The following GLRA2 variants were observed in gnomAD, a reference collection of about 807,000 sequenced individuals.
GLRA2 encodes the protein glycine receptor subunit alpha-2.
Under a neutral mutation model 31.6 loss-of-function variants are expected in GLRA2, and 11 were observed. That is an observed-to-expected ratio of 0.35 (90% confidence interval 0.22 to 0.58). The LOEUF (loss-of-function observed/expected upper bound fraction) is 0.58. GLRA2 is among the 20% of genes least tolerant of loss of function. GLRA2 has a pLI of 0.84. For synonymous variants in GLRA2, 132 were observed against 134.0 expected (o/e 0.99, Z 0.10); for missense variants, 212 against 351.8 (o/e 0.60, Z 3.18).
chrX:14,461,218 C>T, the GLRA2 span, among the ~76,000 whole-genome samples: 2 of 111,888 alleles, frequency 1.8e-5, no homozygotes, highest in African/African-American at 6.5e-5. Flanking sequence ...GTCTGAAAGA[C>T]AGTTGTGATT....
At chrX:14,567,315 T>C (rs2089820044) in intron 2 of GLRA2, among the ~76,000 whole-genome samples, 1 of 111,966 alleles carries the variant, frequency 8.9e-6, no homozygotes, top group African/African-American at 3.2e-5. Flanking sequence ...ATTAAAGTAA[T>C]ATACCACATT....
Position 14,598,532 on chromosome X carries a change from C to G in GLRA2, c.495-5783C>G, listed in dbSNP as rs2090233683. Among the ~76,000 whole-genome samples the G allele has an allele frequency of 2.7e-5, 3 of 112,411 alleles. No individual in the cohort carries two copies. In the Admixed American group the frequency reaches 2.8e-4, roughly 11 times the overall value. On this transcript the variant is annotated intron_variant, in intron 4 of 8. Transcript: ENST00000218075. ...TAACTAGTTGACCAAGGTTCCAGGA[C>G]AAGTCAGCCAGGCTTCCTGGCATTC...
chrX:14,693,909 AT>A (rs2091402895), intron 8 of GLRA2, among the ~76,000 whole-genome samples: 1 of 112,230 alleles, frequency 8.9e-6, no homozygotes, highest in Non-Finnish European at 1.9e-5. Context: ...ATCAAAATAT[AT>A]GAACTGAGCT....
chrX:14,730,572 A>G lies in GLRA2; in HGVS notation c.*87A>G. 1.6e-5 allele frequency: 2 copies of G among 128,325 alleles called. No individual in the cohort carries two copies. Among genetic ancestry groups the G allele is most frequent in the African/African-American group, 5.2e-5 (1 of 19,176 alleles). The allele number at this position is 128,325 out of a possible 1,213,427, so 10.6% of individuals were successfully genotyped here. ...AATTGTCTTTATATCACTTTGACAG[A>G]GGAGAAGATTGAGGGAGGGGGGAGG... is the stretch of plus-strand genomic sequence containing the variant. On this transcript the variant is annotated 3_prime_UTR_variant, in exon 9 of 9. Transcript: ENST00000218075.
At chrX:14,684,235 G>A (rs1405188378) in intron 7 of GLRA2, among the ~76,000 whole-genome samples, 3 of 110,613 alleles carry the variant, frequency 2.7e-5, no homozygotes, top group Non-Finnish European at 3.8e-5. Flanking sequence ...AGTATAGTTT[G>A]AAGTCAGGTA....
the GLRA2 span, among the ~76,000 whole-genome samples, chrX:14,491,765 G>T: frequency 9.0e-6 from 1 of 111,437 alleles, no homozygotes; most frequent in African/African-American, 3.3e-5. Flanking sequence ...CCTCCTAGAG[G>T]ATTGTAGTTG....
chrX:14,658,692 C>T (rs1233623926), intron 7 of GLRA2, among the ~76,000 whole-genome samples: 1 of 111,702 alleles, frequency 9.0e-6, no homozygotes, highest in African/African-American at 3.3e-5. Context: ...AGCTTCTTCA[C>T]ACTGGCAGTT....
In GLRA2 at chrX:14,607,282, T is replaced by A; in HGVS notation, c.715+14T>A. 4.3e-6 allele frequency: 5 copies of A among 1,151,848 alleles called. No individual in the cohort carries two copies. The highest frequency in any genetic ancestry group is 5.8e-6 in the Non-Finnish European group (5 of 861,307). 94.9% of individuals were successfully genotyped at this position (1,151,848 alleles called of 1,213,427 possible). On this transcript the variant is annotated intron_variant, in intron 6 of 8. Transcript: ENST00000218075. ...ACTACAACACTGGTAAGTTTCTTTTTTTTTTTTTTTCAGCTGTTAAACACA... is the reference window on the plus strand; with the variant it reads ...ACTACAACACTGGTAAGTTTCTTTTATTTTTTTTTTCAGCTGTTAAACACA...
At chrX:14,702,335 A>T (rs987817545) in intron 8 of GLRA2, among the ~76,000 whole-genome samples, 11 of 112,088 alleles carry the variant, frequency 9.8e-5, no homozygotes, top group African/African-American at 3.2e-4. Flanking sequence ...AATAAGGCAC[A>T]AGATCAGGAA....
intron 4 of GLRA2, among the ~76,000 whole-genome samples, chrX:14,595,142 A>T (rs2090187741): frequency 2.7e-5 from 3 of 111,111 alleles, no homozygotes; most frequent in Non-Finnish European, 3.8e-5. Context: ...TGATTTTCTT[A>T]GTATGACAGT....
At chrX:14,455,420 AG>A in the GLRA2 span, among the ~76,000 whole-genome samples, 2 of 111,888 alleles carry the variant, frequency 1.8e-5, no homozygotes, top group African/African-American at 6.5e-5. Flanking sequence ...CTCTTTATTC[AG>A]TGAGCAATAT....
At chrX:14,503,449 C>T in the GLRA2 span, among the ~76,000 whole-genome samples, 2 of 111,675 alleles carry the variant, frequency 1.8e-5, no homozygotes, top group Non-Finnish European at 3.8e-5. Context: ...TAGTGAAGTT[C>T]AAACTGAGTT....
At chrX:14,589,715 C>T (rs370462642) in intron 4 of GLRA2, among the ~76,000 whole-genome samples, 70 of 34,399 alleles carry the variant, frequency 2.0e-3, no homozygotes, top group African/African-American at 3.2e-3. Context: ...TATATACACA[C>T]ATATATGTGT....
At chrX:14,690,973 C>A in intron 8 of GLRA2, 114 bp downstream of exon 8, 2 of 780,335 alleles carry the variant, frequency 2.6e-6, no homozygotes, top group South Asian at 2.5e-5. Flanking sequence ...AATTTTTGTT[C>A]TGATTTGTCC....
At chrX:14,473,848 A>T in the GLRA2 span, among the ~76,000 whole-genome samples, 4 of 112,171 alleles carry the variant, frequency 3.6e-5, no homozygotes, top group African/African-American at 1.3e-4. Flanking sequence ...TTCCAAATTG[A>T]AGAAAATAGA....
chrX:14,713,872 T>G (rs769327255), intron 8 of GLRA2, among the ~76,000 whole-genome samples: 1 of 111,094 alleles, frequency 9.0e-6, no homozygotes, highest in South Asian at 3.8e-4. Context: ...ATGACCTGAT[T>G]TGACTGGAAA....
chrX:14,529,645 T>C lies in GLRA2; in HGVS notation c.-413T>C. The C allele has an allele frequency of 6.6e-6, 1 of 151,558 alleles. No homozygotes were observed. The highest frequency in any genetic ancestry group is 1.3e-5 in the Non-Finnish European group (1 of 78,832). The allele number at this position is 151,558 out of a possible 1,213,427, so 12.5% of individuals were successfully genotyped here. ...TTCTTCTCTCTCATTTACAACTTCT[T>C]TTTAAAAGAAAACATTTTCTAGAAA... On this transcript the variant is annotated 5_prime_UTR_variant, in exon 1 of 9. Coordinates refer to ENST00000218075, the MANE Select transcript of GLRA2 (RefSeq NM_002063.4).
Position 14,641,728 on chromosome X carries a change from G to A in GLRA2, c.930+32523G>A, listed in dbSNP as rs192272721. 2.7e-5 allele frequency among the ~76,000 whole-genome samples: 3 copies of A among 111,737 alleles called. No individual in the cohort carries two copies. In the East Asian group the frequency reaches 8.5e-4, roughly 32 times the overall value. On this transcript the variant is annotated intron_variant, in intron 7 of 8. Coordinates refer to ENST00000218075, the MANE Select transcript of GLRA2 (RefSeq NM_002063.4). ...AGGTTAGAACATTATCCAACACACT[G>A]GGGAAACATTCACGTGTTGATCTGG...
intron 7 of GLRA2, among the ~76,000 whole-genome samples, chrX:14,648,866 T>C (rs969965543): frequency 2.7e-5 from 3 of 112,278 alleles, no homozygotes; most frequent in Non-Finnish European, 5.6e-5. Flanking sequence ...GAAATCCTCA[T>C]GCACTTCTGG....
Sources: gnomAD v4.1 joint callset for allele counts (sites outside exome capture counted in the v4.1 genomes callset) on GRCh38, gnomAD v4.1.1 for gene constraint, MANE v1.5 for transcripts, NCBI Gene and HGNC (gene_info 2026-07-23, HGNC 2026-07-21) for gene names.